Variants in SLC22A25 observed in about 807,000 individuals in gnomAD.
SLC22A25 encodes solute carrier family 22 member 25, also known as MGI:2442751, MGI:2385316, MGI:3042283, MGI:3645714, MGI:3605624, MGI:2442750.
Under a neutral mutation model 45.9 loss-of-function variants are expected in SLC22A25, and 44 were observed. That is an observed-to-expected ratio of 0.96 (90% CI 0.75 to 1.23). The LOEUF (loss-of-function observed/expected upper bound fraction) is 1.23. Among genes scored for constraint, SLC22A25 ranks in the 50% most tolerant of loss-of-function variants. SLC22A25 has a pLI of 0.00. For missense variants in SLC22A25, 800 were observed against 666.4 expected, an observed-to-expected ratio of 1.20 and a Z score of -2.21; for synonymous variants, 283 against 238.6, an observed-to-expected ratio of 1.19 and a Z score of -1.72.
intron 9 of SLC22A25, among the ~76,000 whole-genome samples, chr11:63,175,988 A>G (rs981717030): frequency 4.6e-5 from 7 of 151,916 alleles, no homozygotes; most frequent in African/African-American, 7.2e-5. Flanking sequence ...ATCTTTTTCT[A>G]TTGTGTATCT....
intron 3 of SLC22A25, among the ~76,000 whole-genome samples, chr11:63,237,381 G>C (rs552156626): frequency 1.8e-4 from 28 of 152,236 alleles, no homozygotes; most frequent in African/African-American, 6.5e-4. Context: ...CGCGGAGGTG[G>C]GTTATTGCAG....
chr11:63,218,932 A>G (rs1349757572), intron 5 of SLC22A25, among the ~76,000 whole-genome samples: 1 of 152,238 alleles, frequency 6.6e-6, no homozygotes, highest in Non-Finnish European at 1.5e-5. Context: ...TAATTGTTCT[A>G]CCAAAAACAC....
chr11:63,192,309 G>A (rs1053397166), intron 7 of SLC22A25, among the ~76,000 whole-genome samples: 1 of 152,110 alleles, frequency 6.6e-6, no homozygotes, highest in Non-Finnish European at 1.5e-5. Flanking sequence ...ATTACCACCA[G>A]ACCTGTCTTA....
intron 7 of SLC22A25, among the ~76,000 whole-genome samples, chr11:63,197,017 A>G (rs928087684): frequency 2.0e-5 from 3 of 152,214 alleles, no homozygotes; most frequent in South Asian, 2.1e-4. Flanking sequence ...TACTTCAAAG[A>G]GAATAAAATA....
rs138715175 is a variant in SLC22A25 at position 63,229,964 on chromosome 11, C to G, written c.-312G>C. ...CTACTTATTGATGTCTTTAGTAGCT[C>G]CCCAATAGCAGCATTGAACTTTGGT... On this transcript the variant is annotated 5_prime_UTR_variant, in exon 4 of 12. Transcript: ENST00000306494. Among the ~76,000 whole-genome samples the G allele has an allele frequency of 3.2e-4, 48 of 152,262 alleles. No individual in the cohort carries two copies. The highest frequency in any genetic ancestry group is 9.9e-4 in the African/African-American group (41 of 41,542).
intron 3 of SLC22A25, among the ~76,000 whole-genome samples, chr11:63,232,016 T>C (rs1235567988): frequency 1.3e-5 from 2 of 152,224 alleles, no homozygotes; most frequent in Non-Finnish European, 2.9e-5. Context: ...ACCAGTACCA[T>C]GCTGTTTTGG....
chr11:63,175,450 A>G (rs898824986), intron 9 of SLC22A25, among the ~76,000 whole-genome samples: 4 of 151,988 alleles, frequency 2.6e-5, no homozygotes, highest in Non-Finnish European at 4.4e-5. Flanking sequence ...TTGTGATTGG[A>G]CTACTTGCAT....
intron 9 of SLC22A25, chr11:63,166,603 T>A (rs754580757): frequency 7.8e-5 from 80 of 1,030,884 alleles, no homozygotes; most frequent in Non-Finnish European, 9.2e-5. Context: ...AATGAAAATA[T>A]ACAATTAAAA....
In SLC22A25 at chr11:63,217,706, G is replaced by A; in HGVS notation, c.536C>T (p.Ser179Phe). ...RFGRKFVLRW[S>F]YLQLAIVGTC... is the part of the protein sequence containing the mutation. Reference sequence around the variant, plus strand: ...GCCTACAATGGCGAGCTGGAGGTAAGACCATCTGAGCACGAACTTTCTCCC... The same window carrying A: ...GCCTACAATGGCGAGCTGGAGGTAAAACCATCTGAGCACGAACTTTCTCCC... Residue 179 changes from serine to phenylalanine, a missense_variant, in exon 6 of 12, where the codon TCT (serine) becomes TTT (phenylalanine). Coordinates refer to ENST00000306494, the MANE Select transcript of SLC22A25 (RefSeq NM_199352.6). 3 of 1,612,964 alleles carry A rather than the reference G, an allele frequency of 1.9e-6. No homozygotes were observed. Among genetic ancestry groups the A allele is most frequent in the Non-Finnish European group, 2.5e-6 (3 of 1,179,746 alleles).
At chr11:63,178,267 C>T (rs2088189705) in intron 9 of SLC22A25, among the ~76,000 whole-genome samples, 1 of 152,012 alleles carries the variant, frequency 6.6e-6, no homozygotes. Flanking sequence ...GGGAATACTG[C>T]TGCAAAAAAC....
At chr11:63,235,871 C>T (rs960038732) in intron 3 of SLC22A25, among the ~76,000 whole-genome samples, 7 of 152,318 alleles carry the variant, frequency 4.6e-5, no homozygotes, top group East Asian at 1.9e-4. Context: ...AGTCAAGACC[C>T]TCAGCTGCAG....
chr11:63,193,202 C>T lies in SLC22A25; in HGVS notation c.831-9385G>A, dbSNP rs1290976726. 2.0e-5 allele frequency among the ~76,000 whole-genome samples: 3 copies of T among 152,214 alleles called. No individual in the cohort carries two copies. The South Asian group carries it at 6.2e-4, about 32-fold the overall frequency. Reference sequence around the variant, plus strand: ...TTGTTCCAAGATAACTGAATAGGAACAGCTCCAGTCTACACCTCCCAGCAT... The same window carrying T: ...TTGTTCCAAGATAACTGAATAGGAATAGCTCCAGTCTACACCTCCCAGCAT... On this transcript the variant is annotated intron_variant, in intron 7 of 11. Transcript: ENST00000306494.
intron 7 of SLC22A25, among the ~76,000 whole-genome samples, chr11:63,209,307 G>C (rs2089494833): frequency 6.6e-6 from 1 of 152,098 alleles, no homozygotes; most frequent in African/African-American, 2.4e-5. Flanking sequence ...GGAACCTAAA[G>C]CCCCTAGCAT....
chr11:63,165,980 C>T (rs1175847182), intron 10 of SLC22A25, 64 bp downstream of exon 10: 24 of 1,572,808 alleles, frequency 1.5e-5, no homozygotes, highest in Non-Finnish European at 2.1e-5. Flanking sequence ...TAGGTGTGAC[C>T]AGGGCAATCC....
intron 5 of SLC22A25, among the ~76,000 whole-genome samples, chr11:63,226,543 A>C (rs2089965770): frequency 1.3e-5 from 2 of 152,202 alleles, no homozygotes; most frequent in Non-Finnish European, 2.9e-5. Context: ...TGATGGGATG[A>C]CAAAAACTCC....
At chr11:63,195,719 TC>T (rs1400390943) in intron 7 of SLC22A25, among the ~76,000 whole-genome samples, 1 of 151,846 alleles carries the variant, frequency 6.6e-6, no homozygotes, top group Admixed American at 6.6e-5. Flanking sequence ...GCAAACACAT[TC>T]AAAAGCTAGC....
chr11:63,221,839 T>C (rs570145036), intron 5 of SLC22A25, among the ~76,000 whole-genome samples: 1 of 152,276 alleles, frequency 6.6e-6, no homozygotes, highest in African/African-American at 2.4e-5. Context: ...ATTTTATTCT[T>C]TTGCATGTGG....
chr11:63,219,832 G>A, intron 5 of SLC22A25: 1 of 995,618 alleles, frequency 1.0e-6, no homozygotes, highest in Admixed American at 2.3e-5. Context: ...CACTGTCCCA[G>A]AGAGCTGGGT....
At chr11:63,213,786 G>A (rs1251235441) in intron 7 of SLC22A25, among the ~76,000 whole-genome samples, 1 of 152,168 alleles carries the variant, frequency 6.6e-6, no homozygotes, top group Non-Finnish European at 1.5e-5. Context: ...CTCGAGCCGG[G>A]AAGATCTCAG....
Sources: allele counts gnomAD v4.1 joint callset (sites outside exome capture counted in the v4.1 genomes callset), GRCh38; gene constraint gnomAD v4.1.1; transcripts MANE v1.5; gene names NCBI Gene and HGNC (gene_info 2026-07-23, HGNC 2026-07-21).